IKBKB: variants seen among roughly 807,000 people sequenced by gnomAD.
The protein encoded by IKBKB is inhibitor of nuclear factor kappa B kinase subunit beta.
In IKBKB, 42 loss-of-function variants were observed where a neutral mutation model predicts 113.6. That is an observed-to-expected ratio of 0.37 (90% confidence interval 0.29 to 0.48). The LOEUF (loss-of-function observed/expected upper bound fraction) is 0.48. IKBKB is among the 20% of genes least tolerant of loss of function. IKBKB has a pLI of 0.99. For missense variants in IKBKB, 673 were observed against 939.7 expected (o/e 0.72, Z 3.71); for synonymous variants, 296 against 361.3 (o/e 0.82, Z 2.05).
intron 5 of IKBKB, among the ~76,000 whole-genome samples, chr8:42,301,104 C>A (rs6474385): frequency 0.91 from 139,083 of 152,008 alleles, 64,040 homozygotes; most frequent in East Asian, 0.99. Context: ...GGATCCTCCT[C>A]CCTCGGCCTC....
chr8:42,285,514 C>T (rs759003066), intron 2 of IKBKB, among the ~76,000 whole-genome samples: 16 of 152,080 alleles, frequency 1.1e-4, no homozygotes, highest in African/African-American at 1.7e-4. Context: ...ATGATCACTC[C>T]ACTGCACTGC....
intron 2 of IKBKB, among the ~76,000 whole-genome samples, chr8:42,275,033 C>T (rs541968583): frequency 6.6e-5 from 10 of 151,840 alleles, no homozygotes; most frequent in African/African-American, 2.4e-4. Flanking sequence ...TGCACCACCA[C>T]GCCTGGCTAA....
intron 5 of IKBKB, among the ~76,000 whole-genome samples, chr8:42,303,291 T>A (rs1003729950): frequency 3.9e-5 from 6 of 152,202 alleles, no homozygotes; most frequent in African/African-American, 1.4e-4. Context: ...CCATTAACTA[T>A]CCCTCTGAGT....
chr8:42,288,114 C>T (rs182666179), intron 2 of IKBKB, among the ~76,000 whole-genome samples: 32 of 152,014 alleles, frequency 2.1e-4, no homozygotes, highest in Non-Finnish European at 3.7e-4. Flanking sequence ...AGGCTGGGTG[C>T]GGTGGCTCAC....
At chr8:42,287,199 C>G (rs1231818522) in intron 2 of IKBKB, among the ~76,000 whole-genome samples, 3 of 152,244 alleles carry the variant, frequency 2.0e-5, no homozygotes, top group African/African-American at 7.2e-5. Context: ...AGTGTCCCCA[C>G]TCATGCACCA....
At chr8:42,319,219 G>A in intron 13 of IKBKB, 51 bp from the exon 14 acceptor site, 1 of 1,575,518 alleles carries the variant, frequency 6.3e-7, no homozygotes, top group Non-Finnish European at 8.7e-7. Context: ...TACAGGAAAT[G>A]GAATTTGGAT....
intron 2 of IKBKB, among the ~76,000 whole-genome samples, chr8:42,284,443 G>A (rs1473831052): frequency 6.6e-6 from 1 of 152,068 alleles, no homozygotes; most frequent in Non-Finnish European, 1.5e-5. Context: ...TTAGCCGGGC[G>A]TGGTGATGGG....
At chr8:42,322,519 C>T in intron 19 of IKBKB, 25 bp downstream of exon 19, 3 of 1,612,278 alleles carry the variant, frequency 1.9e-6, no homozygotes, top group Middle Eastern at 3.5e-4. Flanking sequence ...TGGTCCCGGG[C>T]CCTTGGCCTA....
chr8:42,322,365 G>A lies in IKBKB; in HGVS notation c.1857G>A (p.Lys619=). The A allele has an allele frequency of 6.2e-7, 1 of 1,613,820 alleles. No homozygotes were observed. The highest frequency in any genetic ancestry group is 2.2e-5 in the East Asian group (1 of 44,842). ...TTTGCAGTAAAACTGTGGTTTGCAAGCAGAAGGCGCTGGAACTGTTGCCCA... is the reference window on the plus strand; with the variant it reads ...TTTGCAGTAAAACTGTGGTTTGCAAACAGAAGGCGCTGGAACTGTTGCCCA... ...YTQLSKTVVC[K]QKALELLPKV... is the part of the protein sequence containing the mutation. Residue 619 remains lysine, a synonymous_variant, in exon 19 of 22, where the codon AAG becomes AAA. Transcript: ENST00000520810.
chr8:42,295,042 A>G (rs1056065619), intron 5 of IKBKB, among the ~76,000 whole-genome samples: 3 of 135,700 alleles, frequency 2.2e-5, no homozygotes, highest in African/African-American at 8.2e-5. Context: ...TTTTTTTTGG[A>G]TGTTTTTCTC....
rs766356689 is a variant in IKBKB, at chr8:42,316,740, A to G, written c.961A>G (p.Thr321Ala). The change falls in exon 11 of 22, where the codon ACC (threonine) becomes GCC (alanine). Residue 321 changes from threonine (T) to alanine (A), a missense_variant. By Grantham distance (58) the Thr-to-Ala change is moderately conservative. Transcript: ENST00000520810. The surrounding 1 kb of genome is among the most constrained non-coding windows in gnomAD (Gnocchi z 4.5). The stretch of plus-strand genomic sequence containing the variant: ...TCATATCTTGAACATGGTCACGGGC[A>G]CCATCCACACCTACCCTGTGACAGA... ...LVHILNMVTGTIHTYPVTEDE... is the reference protein window; with the variant it reads ...LVHILNMVTGAIHTYPVTEDE... 1.2e-6 allele frequency: 2 copies of G among 1,613,506 alleles called. No individual in the cohort carries two copies. The highest frequency in any genetic ancestry group is 2.2e-5 in the East Asian group (1 of 44,864).
At position 42,331,240 on chromosome 8, in the gene IKBKB, G is replaced by T; in HGVS notation, c.*261G>T. ...CCTCCGTGGGCACTGCCGGCGCCTT[G>T]TCTGCACACTGGAGGTCCTCCATTA... On this transcript the variant is annotated 3_prime_UTR_variant, in exon 22 of 22. Transcript: ENST00000520810. The T allele has an allele frequency of 1.4e-6, 1 of 707,124 alleles. No homozygotes were observed. The highest frequency in any genetic ancestry group is 2.7e-5 in the East Asian group (1 of 37,318). The allele number at this position is 707,124 out of a possible 1,614,324, so 43.8% of individuals were successfully genotyped here. A position where few individuals can be genotyped will look rare whatever the true frequency, so the allele number is the denominator to read the frequency against.
intron 2 of IKBKB, among the ~76,000 whole-genome samples, chr8:42,284,581 CAAAA>C (rs1167704705): frequency 1.1e-5 from 1 of 94,176 alleles, no homozygotes. Flanking sequence ...GACTCCGTCT[CAAAA>C]AAAAAAAAAA....
intron 6 of IKBKB, 143 bp downstream of exon 6, chr8:42,305,418 G>A (rs908336714): frequency 1.6e-6 from 1 of 628,922 alleles, no homozygotes; most frequent in African/African-American, 1.8e-5. Flanking sequence ...TGTTTGATTT[G>A]AAACAAAATT....
Position 42,272,072 on chromosome 8 carries a change from A to G in IKBKB, c.-18-11A>G. Reference sequence around the variant, plus strand: ...TCCTAACCTTTTTTCCCCATCCCAAATTGCTTATAGAGTTAGCACGACATC... The same window carrying G: ...TCCTAACCTTTTTTCCCCATCCCAAGTTGCTTATAGAGTTAGCACGACATC... On this transcript the variant is annotated splice_polypyrimidine_tract_variant and intron_variant, in intron 1 of 21. Transcript: ENST00000520810. 1 of 1,602,098 alleles carries G rather than the reference A, an allele frequency of 6.2e-7. No homozygotes were observed. Among genetic ancestry groups the G allele is most frequent in the Non-Finnish European group, 8.5e-7 (1 of 1,173,106 alleles).
At chr8:42,305,146 A>AT in intron 5 of IKBKB, 41 bp from the exon 6 acceptor site, 3 of 1,377,906 alleles carry the variant, frequency 2.2e-6, no homozygotes, top group South Asian at 1.2e-5. Flanking sequence ...CATGAAAAGC[A>AT]TTTTTTAGGC....
intron 20 of IKBKB, chr8:42,326,409 T>G (rs984115216): frequency 5.9e-5 from 18 of 307,556 alleles, no homozygotes; most frequent in African/African-American, 3.1e-4. Context: ...AGGGAGGCCC[T>G]GAAGCCCTCT....
Position 42,332,220 on chromosome 8 carries a change from CAAG to C in IKBKB, c.*1242_*1244del, listed in dbSNP as rs1406522959. 1 of 152,196 alleles carries C rather than the reference CAAG, an allele frequency of 6.6e-6. No individual in the cohort carries two copies. Among genetic ancestry groups the C allele is most frequent in the Non-Finnish European group, 1.5e-5 (1 of 68,050 alleles). 9.4% of individuals were successfully genotyped at this position (152,196 alleles called of 1,614,324 possible). A position where few individuals can be genotyped will look rare whatever the true frequency, so the allele number is the denominator to read the frequency against. On this transcript the variant is annotated 3_prime_UTR_variant, in exon 22 of 22. Transcript: ENST00000520810. ...GAGATAGAATGAAGCATTCTGTGGT[CAAG>C]TAAGTTTAGGGAGCTATTCATGTTT... is the stretch of plus-strand genomic sequence containing the variant.
chr8:42,282,455 C>T (rs377741839), intron 2 of IKBKB, among the ~76,000 whole-genome samples: 17 of 152,342 alleles, frequency 1.1e-4, no homozygotes, highest in South Asian at 4.1e-4. Context: ...GATCTACCTG[C>T]CTTGGTCTCC....
Sources: gnomAD v4.1 joint callset for allele counts (sites outside exome capture counted in the v4.1 genomes callset) on GRCh38, gnomAD v4.1.1 for gene constraint, Gnocchi (gnomAD v3.1) non-coding constraint, MANE v1.5 for transcripts, NCBI Gene and HGNC (gene_info 2026-07-23, HGNC 2026-07-21) for gene names.